PCDHGA4: variants seen among roughly 807,000 people sequenced by gnomAD.
The protein encoded by PCDHGA4 is protocadherin gamma subfamily A, 4, also known as protocadherin gamma-A4.
PCDHGA4 carries 38 observed loss-of-function variants against 54.6 expected under a neutral mutation model. The ratio of observed to expected loss-of-function variants is 0.70; its 90% confidence interval spans 0.54 to 0.91. PCDHGA4 has a LOEUF of 0.91. Among genes scored for constraint, PCDHGA4 ranks in the 40% least tolerant of loss-of-function variants. The pLI is 0.00. For missense variants in PCDHGA4, 1,298 were observed against 1,220.9 expected, an observed-to-expected ratio of 1.06 and a Z score of -0.94; for synonymous variants, 511 against 512.9, an observed-to-expected ratio of 1.00 and a Z score of 0.05.
chr5:141,360,927 G>T (rs1455731700), intron 1 of PCDHGA4: 1 of 1,613,866 alleles, frequency 6.2e-7, no homozygotes, highest in African/African-American at 1.3e-5. Flanking sequence ...TGCTTCAAGT[G>T]ACAGCCACCG....
chr5:141,363,227 A>G (rs920377728), intron 1 of PCDHGA4, among the ~76,000 whole-genome samples: 2 of 152,228 alleles, frequency 1.3e-5, no homozygotes, highest in Non-Finnish European at 2.9e-5. Context: ...CTTACAACCT[A>G]TGTTCACATC....
chr5:141,395,053 A>T (rs1210765378), intron 1 of PCDHGA4: 1 of 1,614,062 alleles, frequency 6.2e-7, no homozygotes, highest in East Asian at 2.2e-5. Context: ...GAGGAGGTAC[A>T]GGCTTTCCTG....
At chr5:141,419,436 G>T (rs756968644) in intron 1 of PCDHGA4, 1 of 1,613,144 alleles carries the variant, frequency 6.2e-7, no homozygotes, top group East Asian at 2.2e-5. Context: ...GAGCAGCTGC[G>T]CACCTTCGAG....
At position 141,490,176 on chromosome 5, in the gene PCDHGA4, G is replaced by T. The variant is rs758876319; in HGVS notation, c.2515-4631G>T. On this transcript the variant is annotated intron_variant, in intron 1 of 3. Transcript: ENST00000571252. This position sits in a 1 kb window ranked among gnomAD's most constrained non-coding sequence, Gnocchi z 5.4. ...TGTTGGGTCCCATAGACTTTGAGGAGTCACGTTTCTATGAAATTCATGCAA... is the reference window on the plus strand; with the variant it reads ...TGTTGGGTCCCATAGACTTTGAGGATTCACGTTTCTATGAAATTCATGCAA... 12 of 1,614,100 alleles carry T rather than the reference G, an allele frequency of 7.4e-6. No homozygotes were observed. Among genetic ancestry groups the T allele is most frequent in the Non-Finnish European group, 1.0e-5 (12 of 1,180,046 alleles).
chr5:141,366,048 C>T (rs777611384), intron 1 of PCDHGA4: 9 of 1,614,262 alleles, frequency 5.6e-6, no homozygotes, highest in South Asian at 5.5e-5. Flanking sequence ...GACGGTTCCA[C>T]GGGCGTGGAG....
chr5:141,414,615 G>T, intron 1 of PCDHGA4: 1 of 1,613,962 alleles, frequency 6.2e-7, no homozygotes, highest in Non-Finnish European at 8.5e-7. Flanking sequence ...CAGTGACAGC[G>T]CTGGACCCGG....
intron 1 of PCDHGA4, chr5:141,409,339 T>G: frequency 6.2e-7 from 1 of 1,613,954 alleles, no homozygotes; most frequent in South Asian, 1.1e-5. Context: ...TCGGAGGAAA[T>G]GGAGAAGTCA....
intron 1 of PCDHGA4, among the ~76,000 whole-genome samples, chr5:141,460,304 A>T (rs769422296): frequency 2.6e-5 from 4 of 152,144 alleles, no homozygotes; most frequent in Admixed American, 6.5e-5. Flanking sequence ...TCCTATTCAA[A>T]AACTCCTTGC....
At chr5:141,366,614 G>A in intron 1 of PCDHGA4, 10 of 1,614,248 alleles carry the variant, frequency 6.2e-6, no homozygotes, top group Non-Finnish European at 7.6e-6. Flanking sequence ...CCTCACCGCG[G>A]ACTCGAGGAA....
intron 1 of PCDHGA4, chr5:141,361,457 A>G: frequency 6.2e-7 from 1 of 1,614,036 alleles, no homozygotes; most frequent in Non-Finnish European, 8.5e-7. Context: ...GTCACCCTGC[A>G]CATCTCCGAC....
At chr5:141,418,876 C>A (rs917800201) in intron 1 of PCDHGA4, 1 of 1,613,844 alleles carries the variant, frequency 6.2e-7, no homozygotes. Context: ...AAGTTGTAGA[C>A]GAAAACGACA....
chr5:141,493,141 C>T lies in PCDHGA4; in HGVS notation c.2515-1666C>T, dbSNP rs1327581425. On this transcript the variant is annotated intron_variant, in intron 1 of 3. Coordinates refer to ENST00000571252, the MANE Select transcript of PCDHGA4 (RefSeq NM_018917.4). This position sits in a 1 kb window ranked among gnomAD's most constrained non-coding sequence, Gnocchi z 4.3. ...CTCCTAGGACTGTATTTTGAAACAC[C>T]CCCAGGTGATTTTGATAGCTGATTG... Among the ~76,000 whole-genome samples the T allele has an allele frequency of 1.4e-5, 2 of 146,284 alleles. No homozygotes were observed. Among genetic ancestry groups the T allele is most frequent in the East Asian group, 2.0e-4 (1 of 5,022 alleles).
chr5:141,501,425 G>A (rs1444899306), intron 2 of PCDHGA4, among the ~76,000 whole-genome samples: 1 of 151,726 alleles, frequency 6.6e-6, no homozygotes, highest in Non-Finnish European at 1.5e-5. Flanking sequence ...TTGACTAAAT[G>A]TAGTCCATTT....
At chr5:141,462,896 A>G (rs1280422442) in intron 1 of PCDHGA4, among the ~76,000 whole-genome samples, 1 of 152,142 alleles carries the variant, frequency 6.6e-6, no homozygotes, top group African/African-American at 2.4e-5. Context: ...TTGTTTTGGA[A>G]GGCTATTATG....
intron 1 of PCDHGA4, chr5:141,423,860 G>A: frequency 7.8e-7 from 1 of 1,283,074 alleles, no homozygotes; most frequent in Non-Finnish European, 9.9e-7. Context: ...ACGTTTTTGT[G>A]AAAGTCATTT....
intron 1 of PCDHGA4, chr5:141,400,083 C>T (rs1396687812): frequency 6.2e-7 from 1 of 1,614,048 alleles, no homozygotes; most frequent in Non-Finnish European, 8.5e-7. Context: ...CACTCTCCGC[C>T]ACCGCCACGC....
chr5:141,508,171 A>G (rs1364776681), intron 3 of PCDHGA4: 2 of 152,406 alleles, frequency 1.3e-5, no homozygotes, highest in African/African-American at 4.8e-5. Context: ...AGGCTGGCAC[A>G]GGAGAGAAGG....
At chr5:141,390,560 T>C (rs531396970) in intron 1 of PCDHGA4, 1 of 443,156 alleles carries the variant, frequency 2.3e-6, no homozygotes, top group East Asian at 4.1e-5. Context: ...GTTAGACAGT[T>C]GTTGGCTCTC....
rs554037493 is a variant in PCDHGA4, at chr5:141,364,941, AAG to A, written c.2514+7324_2514+7325del. On this transcript the variant is annotated intron_variant, in intron 1 of 3. Coordinates refer to ENST00000571252, the MANE Select transcript of PCDHGA4 (RefSeq NM_018917.4). ...TTGGAACAGCCCCTAGACCGCGAGA[AAG>A]AGACTGTTCACGACCTCCTCCTCAC... is the stretch of plus-strand genomic sequence containing the variant. 73 of 1,613,952 alleles carry A rather than the reference AAG, an allele frequency of 4.5e-5. No homozygotes were observed. The East Asian group carries it at 1.6e-3, about 35-fold the overall frequency.
Sources: allele counts gnomAD v4.1 joint callset (sites outside exome capture counted in the v4.1 genomes callset), GRCh38; gene constraint gnomAD v4.1.1; non-coding constraint Gnocchi (gnomAD v3.1); transcripts MANE v1.5; gene names NCBI Gene and HGNC (gene_info 2026-07-23, HGNC 2026-07-21).